Variants in ENPP3 observed in about 807,000 individuals in gnomAD.
ENPP3 encodes the protein ectonucleotide pyrophosphatase/phosphodiesterase family member 3.
ENPP3 carries 104 observed loss-of-function variants against 117.8 expected under a neutral mutation model. The ratio of observed to expected loss-of-function variants is 0.88; its 90% CI spans 0.75 to 1.04. The LOEUF (loss-of-function observed/expected upper bound fraction) is 1.04. Among genes scored for constraint, ENPP3 ranks in the 50% least tolerant of loss-of-function variants. ENPP3 has a pLI of 0.00. For missense variants in ENPP3, 1,026 were observed against 1,051.9 expected (o/e 0.98, Z 0.34); for synonymous variants, 380 against 349.9 (o/e 1.09, Z -0.96).
chr6:131,694,524 G>T, intron 15 of ENPP3, among the ~76,000 whole-genome samples: 1 of 152,200 alleles, frequency 6.6e-6, no homozygotes, highest in East Asian at 1.9e-4. Flanking sequence ...AATGCCAGGG[G>T]GATAGAATGA....
Position 131,693,644 on chromosome 6 carries a change from T to C in ENPP3, c.1412+20T>C, listed in dbSNP as rs371379021. The C allele has an allele frequency of 7.5e-6, 12 of 1,608,988 alleles. No homozygotes were observed. The highest frequency in any genetic ancestry group is 2.2e-5 in the South Asian group (2 of 90,372). On this transcript the variant is annotated intron_variant, in intron 15 of 24. Coordinates refer to ENST00000357639, the MANE Select transcript of ENPP3 (RefSeq NM_005021.5). ...TGTTAGGTTCGTGTATCTGTTTACT[T>C]ATCTCATAATGCCTTTAATAACCAT...
At chr6:131,729,428 TA>T (rs1780227124) in intron 20 of ENPP3, among the ~76,000 whole-genome samples, 1 of 152,230 alleles carries the variant, frequency 6.6e-6, no homozygotes, top group Non-Finnish European at 1.5e-5. Context: ...GTTCAGGTTC[TA>T]CTTTGTTTCA....
rs955310399 is a variant in ENPP3 at position 131,683,082 on chromosome 6, A to G, written c.1040A>G (p.His347Arg). 2 of 1,610,578 alleles carry G rather than the reference A, an allele frequency of 1.2e-6. No homozygotes were observed. The highest frequency in any genetic ancestry group is 1.7e-6 in the Non-Finnish European group (2 of 1,176,898). ...RVIKALQVVD[H>R]AFGMLMEGLK... Reference sequence around the variant, plus strand: ...ATTAAAGCCTTACAGGTAGTAGATCATGCTTTTGGGATGTTGATGGAAGGC... The same window carrying G: ...ATTAAAGCCTTACAGGTAGTAGATCGTGCTTTTGGGATGTTGATGGAAGGC... Residue 347 changes from histidine (H) to arginine (R), a missense_variant, in exon 12 of 25, where the codon CAT becomes CGT. His to Arg is a conservative substitution (Grantham distance 29). Transcript: ENST00000357639.
At chr6:131,701,904 G>GA (rs796659829) in intron 15 of ENPP3, among the ~76,000 whole-genome samples, 7,242 of 101,730 alleles carry the variant, frequency 0.071, 219 homozygotes, top group African/African-American at 0.14. Context: ...AAAAAGAAAA[G>GA]AAAAAAAAAA....
chr6:131,699,235 CAAAA>C (rs4053087), intron 15 of ENPP3, among the ~76,000 whole-genome samples: 1 of 107,976 alleles, frequency 9.3e-6, no homozygotes, highest in Non-Finnish European at 1.8e-5. Flanking sequence ...AAGACTGTCT[CAAAA>C]AAAAAAAAAA....
At chr6:131,695,626 C>A (rs947958347) in intron 15 of ENPP3, among the ~76,000 whole-genome samples, 5 of 152,042 alleles carry the variant, frequency 3.3e-5, no homozygotes, top group African/African-American at 1.2e-4. Flanking sequence ...AGTGAAGAAT[C>A]TAATCTGGGC....
intron 1 of ENPP3, among the ~76,000 whole-genome samples, chr6:131,641,092 G>C (rs892848974): frequency 2.0e-5 from 3 of 152,050 alleles, no homozygotes; most frequent in Non-Finnish European, 4.4e-5. Flanking sequence ...TTCAATAAAT[G>C]ATCACAAATG....
At chr6:131,673,801 C>G (rs1778803434) in intron 7 of ENPP3, among the ~76,000 whole-genome samples, 1 of 152,040 alleles carries the variant, frequency 6.6e-6, no homozygotes, top group Non-Finnish European at 1.5e-5. Flanking sequence ...TCACTATTCC[C>G]TAAACAATAC....
At chr6:131,641,622 C>T (rs1366549336) in intron 2 of ENPP3, 92 bp downstream of exon 2, 3 of 778,556 alleles carry the variant, frequency 3.9e-6, no homozygotes, top group Non-Finnish European at 6.8e-6. Context: ...CCCAAGCCTC[C>T]TCTGTCCTCC....
intron 15 of ENPP3, chr6:131,701,268 A>C (rs781653671): frequency 1.2e-4 from 183 of 1,486,824 alleles, no homozygotes; most frequent in Non-Finnish European, 2.5e-5. Flanking sequence ...GATGAGCCCC[A>C]GTATGGTCCC....
At chr6:131,739,011 C>G (rs989606729) in intron 23 of ENPP3, among the ~76,000 whole-genome samples, 1 of 152,140 alleles carries the variant, frequency 6.6e-6, no homozygotes, top group Admixed American at 6.6e-5. Flanking sequence ...CAAACTTTGA[C>G]AGCATTTTCT....
intron 15 of ENPP3, among the ~76,000 whole-genome samples, chr6:131,707,049 TA>T (rs1309619548): frequency 6.7e-6 from 1 of 149,176 alleles, no homozygotes; most frequent in Admixed American, 6.7e-5. Flanking sequence ...ATTCTCCAGT[TA>T]AACCATCTAA....
intron 7 of ENPP3, among the ~76,000 whole-genome samples, chr6:131,673,215 C>T (rs1484041180): frequency 6.6e-6 from 1 of 152,138 alleles, no homozygotes; most frequent in East Asian, 1.9e-4. Flanking sequence ...TATATACACA[C>T]TTGGCCCTCC....
chr6:131,695,307 G>A (rs748532286), intron 15 of ENPP3, among the ~76,000 whole-genome samples: 3 of 152,194 alleles, frequency 2.0e-5, no homozygotes, highest in Non-Finnish European at 4.4e-5. Context: ...AGAAAGAGCT[G>A]TAAAGTGAGA....
chr6:131,740,485 T>C, intron 24 of ENPP3, 105 bp downstream of exon 24: 1 of 810,032 alleles, frequency 1.2e-6, no homozygotes, highest in Admixed American at 3.1e-5. Flanking sequence ...AGGTGTTTCA[T>C]GGGAAAAGTT....
At chr6:131,645,473 G>GGAA (rs1344077423) in intron 2 of ENPP3, among the ~76,000 whole-genome samples, 1 of 152,178 alleles carries the variant, frequency 6.6e-6, no homozygotes, top group Non-Finnish European at 1.5e-5. Flanking sequence ...TGGTCTGGTG[G>GGAA]ATGGTTGATA....
At chr6:131,701,804 C>G (rs1424881439) in intron 15 of ENPP3, among the ~76,000 whole-genome samples, 1 of 151,162 alleles carries the variant, frequency 6.6e-6, no homozygotes, top group Admixed American at 6.6e-5. Context: ...ATTGCTTGAT[C>G]CCAGGAGGCG....
In ENPP3 at chr6:131,722,243, A is replaced by G; in HGVS notation, c.1584A>G (p.Gln528=). 6.2e-7 allele frequency: 1 copy of G among 1,613,376 alleles called. No individual in the cohort carries two copies. Among genetic ancestry groups the G allele is most frequent in the Non-Finnish European group, 8.5e-7 (1 of 1,179,792 alleles). Residue 528 remains glutamine (Q), a synonymous_variant, in exon 18 of 25, where the codon CAA becomes CAG. Coordinates refer to ENST00000357639, the MANE Select transcript of ENPP3 (RefSeq NM_005021.5). The part of the protein sequence containing the change: ...YNLMCDLLRI[Q]PAPNNGTHGS... ...AAAAAACAGATCTTCTACGCATTCA[A>G]CCAGCACCAAACAATGGAACCCATG...
intron 15 of ENPP3, among the ~76,000 whole-genome samples, chr6:131,712,262 A>C (rs1268176309): frequency 6.8e-6 from 1 of 146,550 alleles, no homozygotes; most frequent in Non-Finnish European, 1.5e-5. Flanking sequence ...CTTTTTTTAA[A>C]GTATGCTGAA....
Sources: allele counts gnomAD v4.1 joint callset (sites outside exome capture counted in the v4.1 genomes callset), GRCh38; gene constraint gnomAD v4.1.1; transcripts MANE v1.5; gene names NCBI Gene and HGNC (gene_info 2026-07-23, HGNC 2026-07-21).